The following ERMP1 variants were observed in gnomAD, a reference collection of about 807,000 sequenced individuals.
The protein encoded by ERMP1 is Felix-ina.
Under a neutral mutation model 92.0 loss-of-function variants are expected in ERMP1, and 86 were observed. That is an observed-to-expected ratio of 0.93 (90% CI 0.79 to 1.12). The LOEUF (loss-of-function observed/expected upper bound fraction) is 1.12, where lower values mean the gene tolerates loss of function less well. Among genes scored for constraint, ERMP1 ranks in the 50% most tolerant of loss-of-function variants. The probability of loss-of-function intolerance (pLI) is 0.00; values close to 1 mark genes in which losing one functional copy is unlikely to be tolerated. For missense variants in ERMP1, 1,342 were observed against 1,116.3 expected (o/e 1.20, Z -2.88); for synonymous variants, 530 against 412.8 (o/e 1.28, Z -3.44).
At chr9:5,818,211 G>C (rs1469761252) in intron 4 of ERMP1, among the ~76,000 whole-genome samples, 2 of 151,854 alleles carry the variant, frequency 1.3e-5, no homozygotes, top group African/African-American at 2.4e-5. Flanking sequence ...CCATTCTTTT[G>C]AGGAATTCTG....
In ERMP1 at chr9:5,811,195, G is replaced by T. The variant is rs200294638; in HGVS notation, c.1243C>A (p.Arg415Ser). The T allele has an allele frequency of 1.9e-6, 3 of 1,613,980 alleles. No individual in the cohort carries two copies. The East Asian group carries it at 6.7e-5, about 36-fold the overall frequency. Residue 415 changes from arginine (R) to serine (S), a missense_variant, in exon 7 of 15, where the codon CGT becomes AGT. Physicochemically the swap from Arg to Ser is moderately radical, Grantham distance 110. Coordinates refer to ENST00000339450, the MANE Select transcript of ERMP1 (RefSeq NM_024896.3). ...LGLFVIAYPS[R>S]IGSIINYMVV... ...ATGTAGTTTATGATTGAGCCAATACGAGAGGGGTAGGCAATGACAAACAGG... is the reference window on the plus strand; with the variant it reads ...ATGTAGTTTATGATTGAGCCAATACTAGAGGGGTAGGCAATGACAAACAGG...
At chr9:5,826,124 G>T (rs190391804) in intron 2 of ERMP1, among the ~76,000 whole-genome samples, 1 of 152,214 alleles carries the variant, frequency 6.6e-6, no homozygotes, top group Non-Finnish European at 1.5e-5. Context: ...TGGGAGGGTA[G>T]TGGTAGGAAA....
chr9:5,853,050 G>C (rs1830329224), intron 6 of ERMP1, among the ~76,000 whole-genome samples: 1 of 152,184 alleles, frequency 6.6e-6, no homozygotes, highest in East Asian at 1.9e-4. Flanking sequence ...AAACGGGTTT[G>C]GGCTTCTGGG....
At chr9:5,847,122 C>T (rs1004410681) in intron 6 of ERMP1, among the ~76,000 whole-genome samples, 1 of 152,212 alleles carries the variant, frequency 6.6e-6, no homozygotes, top group Non-Finnish European at 1.5e-5. Context: ...ATTGAATTTG[C>T]TGTTTAACTC....
Position 5,787,554 on chromosome 9 carries a change from C to A in ERMP1, c.2426G>T (p.Gly809Val). 2 of 1,613,826 alleles carry A rather than the reference C, an allele frequency of 1.2e-6. No individual in the cohort carries two copies. The highest frequency in any genetic ancestry group is 1.7e-6 in the Non-Finnish European group (2 of 1,179,906). The change falls in exon 14 of 15, where the codon GGG becomes GTG. Residue 809 changes from glycine (G) to valine (V), a missense_variant. By Grantham distance (109) the Gly-to-Val change is moderately radical. Coordinates refer to ENST00000339450, the MANE Select transcript of ERMP1 (RefSeq NM_024896.3). ...HMSFYVRAHK[G>V]STLSQWSLGN... ...AAGAGACCACTGAGAAAGTGTTGAC[C>A]CTTTGTGGGCTCGAACATAGAAGGA...
chr9:5,805,657 GA>G lies in ERMP1; in HGVS notation c.1676del (p.Phe559SerfsTer74). 1 of 1,609,868 alleles carries G rather than the reference GA, an allele frequency of 6.2e-7. No individual in the cohort carries two copies. Among genetic ancestry groups the G allele is most frequent in the South Asian group, 1.1e-5 (1 of 90,350 alleles). The stretch of plus-strand genomic sequence containing the variant: ...GCACACAGAGCTTTGTGAGCAATGG[GA>G]ATGCTACCCAGACAGCACTAATAAA... ...SAFISAVWVA[F>X]PLLTKLCVHK... On this transcript the variant is annotated frameshift_variant, in exon 9 of 15. Coordinates refer to ENST00000339450, the MANE Select transcript of ERMP1 (RefSeq NM_024896.3). LOFTEE classifies it high-confidence loss of function.
intron 1 of ERMP1, chr9:5,832,327 A>C: frequency 4.6e-6 from 1 of 218,424 alleles, no homozygotes; most frequent in Non-Finnish European, 9.0e-6. Context: ...TAGGTACACA[A>C]ATTTCCATCT....
intron 6 of ERMP1, among the ~76,000 whole-genome samples, chr9:5,849,004 T>A (rs894678297): frequency 1.3e-5 from 2 of 151,886 alleles, no homozygotes; most frequent in Non-Finnish European, 2.9e-5. Context: ...GTTTGATTAT[T>A]TTTATTTTTA....
At chr9:5,834,703 A>ATGTGTGTG (rs766269385), upstream of ERMP1, among the ~76,000 whole-genome samples, 25,577 of 122,774 alleles carry the variant, frequency 0.21, 3,346 homozygotes, top group South Asian at 0.3. Flanking sequence ...GTATGTATAT[A>ATGTGTGTG]TGTGTGTGTG....
chr9:5,839,198 T>C (rs1830127998), intron 6 of ERMP1, among the ~76,000 whole-genome samples: 2 of 152,244 alleles, frequency 1.3e-5, no homozygotes, highest in Admixed American at 6.5e-5. Flanking sequence ...AATTAATCAA[T>C]TGCTGAACCA....
At chr9:5,833,722 C>CCT (rs1325678849), upstream of ERMP1, among the ~76,000 whole-genome samples, 1 of 152,190 alleles carries the variant, frequency 6.6e-6, no homozygotes, top group African/African-American at 2.4e-5. Context: ...CATTTTATAA[C>CCT]CTGAGAAACG....
chr9:5,824,822 G>A (rs776246857), intron 3 of ERMP1, among the ~76,000 whole-genome samples: 1 of 152,202 alleles, frequency 6.6e-6, no homozygotes, highest in Admixed American at 6.5e-5. Flanking sequence ...AAGAAAACCT[G>A]AGGAGAGTAA....
chr9:5,799,115 G>A (rs1828567983), intron 11 of ERMP1, 107 bp from the exon 12 acceptor site: 1 of 723,326 alleles, frequency 1.4e-6, no homozygotes, highest in Non-Finnish European at 2.3e-6. Flanking sequence ...ATGTGGATAT[G>A]GAGCAAGTGA....
chr9:5,854,233 G>A (rs1348787935), intron 6 of ERMP1, among the ~76,000 whole-genome samples: 1 of 151,998 alleles, frequency 6.6e-6, no homozygotes, highest in African/African-American at 2.4e-5. Flanking sequence ...GAACAGCTGA[G>A]ATTTTCCATA....
At position 5,785,058 on chromosome 9, in the gene ERMP1, G is replaced by A. The variant is rs1271465536; in HGVS notation, c.*2086C>T. On this transcript the variant is annotated 3_prime_UTR_variant, in exon 15 of 15. Coordinates refer to ENST00000339450, the MANE Select transcript of ERMP1 (RefSeq NM_024896.3). ...GTGTATAATTGCTTGACCATTTCTG[G>A]CATTTAAATGACCTCCCAGAATATT... 1 of 152,026 alleles carries A rather than the reference G, an allele frequency of 6.6e-6. No homozygotes were observed. Among genetic ancestry groups the A allele is most frequent in the Non-Finnish European group, 1.5e-5 (1 of 68,018 alleles). The allele number at this position is 152,026 out of a possible 1,614,324, so 9.4% of individuals were successfully genotyped here.
chr9:5,804,935 G>T, intron 10 of ERMP1, 92 bp downstream of exon 10: 1 of 946,040 alleles, frequency 1.1e-6, no homozygotes, highest in Non-Finnish European at 1.6e-6. Context: ...TCTCAATAAA[G>T]TACACGTAAC....
intron 1 of ERMP1, 104 bp from the exon 2 acceptor site, chr9:5,831,132 C>A (rs1307759368): frequency 2.9e-5 from 24 of 816,246 alleles, no homozygotes; most frequent in Non-Finnish European, 4.7e-5. Context: ...AAGCTTAGTT[C>A]TTTGCCTTAT....
At chr9:5,805,296 T>C in intron 9 of ERMP1, 79 bp from the exon 10 acceptor site, 1 of 1,103,478 alleles carries the variant, frequency 9.1e-7, no homozygotes, top group South Asian at 1.6e-5. Context: ...TGGTGTGCCT[T>C]GGTACCCTAA....
intron 9 of ERMP1, 116 bp from the exon 10 acceptor site, chr9:5,805,333 G>A (rs1586786361): frequency 2.6e-6 from 2 of 776,444 alleles, no homozygotes; most frequent in East Asian, 5.4e-5. Flanking sequence ...TGTGACTCTT[G>A]CCCTTAAGGG....
Sources: allele counts gnomAD v4.1 joint callset (sites outside exome capture counted in the v4.1 genomes callset), GRCh38; gene constraint gnomAD v4.1.1; transcripts MANE v1.5; gene names NCBI Gene and HGNC (gene_info 2026-07-23, HGNC 2026-07-21).